Variants in PGCKA1 observed in about 807,000 individuals in gnomAD.
The protein encoded by PGCKA1 is PDCD10 and GCKIII kinases-associated protein 1.
the PGCKA1 span, among the ~76,000 whole-genome samples, chr4:37,546,347 G>C: frequency 0.23 from 35,399 of 152,164 alleles, 4,683 homozygotes; most frequent in East Asian, 0.4. Context: ...GTAGTTAAAA[G>C]TCAACTCATG....
chr4:37,589,094 C>G, the PGCKA1 span, among the ~76,000 whole-genome samples: 2 of 152,110 alleles, frequency 1.3e-5, no homozygotes, highest in African/African-American at 4.8e-5. Flanking sequence ...ACTTTTTTTG[C>G]TCACTTCTCA....
At chr4:37,570,289 C>T in the PGCKA1 span, among the ~76,000 whole-genome samples, 4 of 151,362 alleles carry the variant, frequency 2.6e-5, no homozygotes, top group African/African-American at 9.7e-5. Flanking sequence ...TGAGCCACCG[C>T]GCCCGGCTGT....
chr4:37,532,709 A>C, the PGCKA1 span, among the ~76,000 whole-genome samples: 1 of 152,224 alleles, frequency 6.6e-6, no homozygotes. Flanking sequence ...CATTTTGAAC[A>C]CAGTTGGAAT....
At chr4:37,569,979 C>T in the PGCKA1 span, among the ~76,000 whole-genome samples, 2 of 119,278 alleles carry the variant, frequency 1.7e-5, no homozygotes, top group African/African-American at 3.2e-5. Context: ...GCATATAATC[C>T]TTTTTTTTTT....
chr4:37,549,529 A>G, the PGCKA1 span, among the ~76,000 whole-genome samples: 4 of 152,322 alleles, frequency 2.6e-5, no homozygotes, highest in African/African-American at 9.6e-5. Flanking sequence ...AAACCTAAAC[A>G]TAAAGTCCCC....
At chr4:37,453,443 C>T in the PGCKA1 span, among the ~76,000 whole-genome samples, 15 of 152,038 alleles carry the variant, frequency 9.9e-5, no homozygotes, top group African/African-American at 1.4e-4. Flanking sequence ...GTTTCTAGGT[C>T]CATGTAGCTC....
the PGCKA1 span, among the ~76,000 whole-genome samples, chr4:37,546,298 G>A: frequency 6.6e-6 from 1 of 152,200 alleles, no homozygotes; most frequent in African/African-American, 2.4e-5. Context: ...CCTGGCGCCA[G>A]GCCTAAAACC....
At chr4:37,495,734 A>T in the PGCKA1 span, among the ~76,000 whole-genome samples, 4 of 152,114 alleles carry the variant, frequency 2.6e-5, no homozygotes, top group Non-Finnish European at 5.9e-5. Flanking sequence ...GAGGGATAGC[A>T]TTAGGAGAAA....
At chr4:37,455,567 G>A in the PGCKA1 span, among the ~76,000 whole-genome samples, 1 of 152,124 alleles carries the variant, frequency 6.6e-6, no homozygotes, top group South Asian at 2.1e-4. Context: ...CAATGGCTCC[G>A]GAGATTTAGA....
chr4:37,491,594 T>C, the PGCKA1 span, among the ~76,000 whole-genome samples: 2 of 152,188 alleles, frequency 1.3e-5, no homozygotes, highest in Non-Finnish European at 2.9e-5. Flanking sequence ...CCAGGTACCT[T>C]ATCAATTCTT....
the PGCKA1 span, among the ~76,000 whole-genome samples, chr4:37,546,844 A>G: frequency 6.2e-4 from 95 of 152,378 alleles, no homozygotes; most frequent in African/African-American, 2.1e-3. Flanking sequence ...GCCTCGCCAC[A>G]GCAGCACGTA....
At chr4:37,569,057 A>C in the PGCKA1 span, among the ~76,000 whole-genome samples, 1 of 151,048 alleles carries the variant, frequency 6.6e-6, no homozygotes, top group Non-Finnish European at 1.5e-5. Flanking sequence ...AGATGATGCC[A>C]CTGTGCTCCA....
chr4:37,478,693 C>T, the PGCKA1 span, among the ~76,000 whole-genome samples: 186 of 152,298 alleles, frequency 1.2e-3, no homozygotes, highest in Admixed American at 6.2e-3. Context: ...GATAACAAGA[C>T]GTGCTGTTGT....
chr4:37,453,461 G>A, the PGCKA1 span, among the ~76,000 whole-genome samples: 11 of 152,212 alleles, frequency 7.2e-5, no homozygotes, highest in South Asian at 2.3e-3. Context: ...CTCATACAGG[G>A]CTGGCCATGG....
chr4:37,469,419 G>A, the PGCKA1 span, among the ~76,000 whole-genome samples: 1 of 152,086 alleles, frequency 6.6e-6, no homozygotes, highest in Non-Finnish European at 1.5e-5. Flanking sequence ...ACTTCACATA[G>A]AGACTGTGTA....
At chr4:37,538,615 T>C in the PGCKA1 span, among the ~76,000 whole-genome samples, 38 of 152,230 alleles carry the variant, frequency 2.5e-4, no homozygotes, top group Non-Finnish European at 1.6e-4. Flanking sequence ...GAAGGGTTTC[T>C]GCCTGGGACA....
the PGCKA1 span, among the ~76,000 whole-genome samples, chr4:37,531,021 G>C: frequency 0.063 from 9,618 of 152,182 alleles, 1,078 homozygotes; most frequent in African/African-American, 0.22. Context: ...CTGTTTCTCT[G>C]TTAAAGGAAA....
At chr4:37,513,623 T>C in the PGCKA1 span, among the ~76,000 whole-genome samples, 2 of 152,122 alleles carry the variant, frequency 1.3e-5, no homozygotes. Flanking sequence ...AGGCCGTGGG[T>C]GTTAGGGCTG....
chr4:37,468,658 A>G, the PGCKA1 span, among the ~76,000 whole-genome samples: 1 of 152,016 alleles, frequency 6.6e-6, no homozygotes, highest in Admixed American at 6.6e-5. Context: ...GTGTTTTATT[A>G]ATTTATTTCA....
Sources: allele counts gnomAD v4.1 joint callset (sites outside exome capture counted in the v4.1 genomes callset), GRCh38; gene constraint gnomAD v4.1.1; transcripts MANE v1.5; gene names NCBI Gene and HGNC (gene_info 2026-07-23, HGNC 2026-07-21).